Variants in DCAF6 observed in about 807,000 individuals in gnomAD.
DCAF6 encodes the protein DDB1 and CUL4 associated factor 6.
A neutral mutation model predicts 125.1 loss-of-function variants in DCAF6; 54 were observed. The observed-to-expected ratio is 0.43, with a 90% CI of 0.35 to 0.54. The LOEUF (loss-of-function observed/expected upper bound fraction) is 0.54, where lower values mean the gene tolerates loss of function less well. DCAF6 is among the 20% of genes least tolerant of loss of function. The probability of loss-of-function intolerance (pLI) is 0.01; values close to 1 mark genes in which losing one functional copy is unlikely to be tolerated. For synonymous variants in DCAF6, 371 were observed against 390.4 expected (o/e 0.95, Z 0.58); for missense variants, 934 against 1,161.7 (o/e 0.80, Z 2.85).
chr1:168,067,918 A>G (rs1692549885), intron 20 of DCAF6, among the ~76,000 whole-genome samples: 1 of 152,182 alleles, frequency 6.6e-6, no homozygotes, highest in African/African-American at 2.4e-5. Flanking sequence ...TTATTTTCCA[A>G]GACTACTCTG....
the DCAF6 span, chr1:167,878,525 TAAAAAA>T: frequency 9.3e-6 from 15 of 1,614,158 alleles, no homozygotes; most frequent in Non-Finnish European, 1.3e-5. Flanking sequence ...GGAAGCTCTT[TAAAAAA>T]GTACGCTGGT....
chr1:167,870,920 T>G, the DCAF6 span, among the ~76,000 whole-genome samples: 1 of 152,250 alleles, frequency 6.6e-6, no homozygotes, highest in African/African-American at 2.4e-5. Context: ...GCTAACCATG[T>G]GGTTTTGCAG....
intron 3 of DCAF6, among the ~76,000 whole-genome samples, chr1:167,967,948 C>G (rs1181634256): frequency 2.0e-5 from 3 of 152,016 alleles, no homozygotes; most frequent in South Asian, 2.1e-4. Flanking sequence ...CCAGGCTGGT[C>G]TTGAACTCCT....
At chr1:167,949,031 C>G (rs1248456813) in intron 1 of DCAF6, among the ~76,000 whole-genome samples, 1 of 152,210 alleles carries the variant, frequency 6.6e-6, no homozygotes. Context: ...TTCACTGATT[C>G]AGCAAACGTA....
the DCAF6 span, among the ~76,000 whole-genome samples, chr1:167,872,490 T>TA: frequency 1.8e-4 from 27 of 152,216 alleles, no homozygotes; most frequent in Admixed American, 5.2e-4. Flanking sequence ...ATTGTCTCCT[T>TA]AACTTGAAAT....
Position 167,993,326 on chromosome 1 carries a change from A to G in DCAF6, c.789A>G (p.Glu263=). The G allele has an allele frequency of 2.2e-5, 35 of 1,613,948 alleles. No individual in the cohort carries two copies. The highest frequency in any genetic ancestry group is 3.0e-5 in the Non-Finnish European group (35 of 1,179,828). ...SCRVTSLCYS[E]DGQEILVSYS... ...GAGTGACATCTCTGTGTTACAGTGA[A>G]GATGGTCAAGAGATTCTCGTTAGTT... Residue 263 remains glutamate, a synonymous_variant, in exon 7 of 22, where the codon GAA becomes GAG. Coordinates refer to ENST00000367840, the MANE Select transcript of DCAF6 (RefSeq NM_001198956.2).
At position 167,954,029 on chromosome 1, in the gene DCAF6, CTG is replaced by C. The variant is rs1253367659; in HGVS notation, c.159+2169_159+2170del. On this transcript the variant is annotated intron_variant, in intron 2 of 21. Transcript: ENST00000367840. The stretch of plus-strand genomic sequence containing the variant: ...AGTTTTTTGTTTGTTTGTTTTGAGA[CTG>C]AGTCTCACTCCGTCTTCCAGGCTGG... Among the ~76,000 whole-genome samples, 3 of 152,166 alleles carry C rather than the reference CTG, an allele frequency of 2.0e-5. 1 individual carries two copies. The highest frequency in any genetic ancestry group is 2.9e-5 in the Non-Finnish European group (2 of 68,008).
At chr1:168,047,585 G>C (rs867892179) in intron 16 of DCAF6, among the ~76,000 whole-genome samples, 2 of 151,954 alleles carry the variant, frequency 1.3e-5, no homozygotes, top group African/African-American at 4.8e-5. Context: ...ACAGAAGAAC[G>C]ATAAAATTCT....
the DCAF6 span, among the ~76,000 whole-genome samples, chr1:167,869,222 T>C: frequency 6.6e-6 from 1 of 152,176 alleles, no homozygotes; most frequent in Non-Finnish European, 1.5e-5. Flanking sequence ...ATAATAGTAA[T>C]AGAAACCTGC....
chr1:168,044,154 T>A (rs780862263), intron 14 of DCAF6, among the ~76,000 whole-genome samples: 80 of 152,110 alleles, frequency 5.3e-4, no homozygotes, highest in Non-Finnish European at 9.1e-4. Context: ...AGGGGAGGTT[T>A]TAGCTGAATG....
At chr1:168,019,696 C>T in intron 11 of DCAF6, 1 of 196,388 alleles carries the variant, frequency 5.1e-6, no homozygotes, top group South Asian at 6.6e-5. Context: ...CTTTATGGCA[C>T]GGTTTTACCA....
At chr1:167,968,016 C>T (rs773796445) in intron 3 of DCAF6, among the ~76,000 whole-genome samples, 6 of 152,102 alleles carry the variant, frequency 3.9e-5, no homozygotes, top group Non-Finnish European at 7.4e-5. Context: ...CAGGCATGAG[C>T]CACCACGCCC....
chr1:167,892,380 G>C, the DCAF6 span, among the ~76,000 whole-genome samples: 1 of 152,084 alleles, frequency 6.6e-6, no homozygotes, highest in Admixed American at 6.5e-5. Flanking sequence ...CTCTTCTTTG[G>C]GTTCAGGGTC....
At chr1:168,019,577 T>C (rs959938611) in intron 11 of DCAF6, 2 of 455,896 alleles carry the variant, frequency 4.4e-6, no homozygotes, top group Non-Finnish European at 8.8e-6. Flanking sequence ...TGGCTCCTGC[T>C]CAGAGTGACA....
chr1:167,935,833 G>A, upstream of DCAF6: 3 of 1,551,112 alleles, frequency 1.9e-6, no homozygotes, highest in Non-Finnish European at 2.6e-6. Flanking sequence ...GGGCACCGGC[G>A]GCCGACATCG....
At chr1:167,878,559 G>T in the DCAF6 span, 2 of 1,614,118 alleles carry the variant, frequency 1.2e-6, no homozygotes, top group African/African-American at 1.3e-5. Flanking sequence ...TCCCATTGTA[G>T]GTGACAGAGT....
At chr1:167,936,008 T>C (rs1027195140), upstream of DCAF6, 1 of 620,190 alleles carries the variant, frequency 1.6e-6, no homozygotes. Context: ...ACCGAAAAGC[T>C]GCGGCCCGCG....
At chr1:167,912,246 T>G in the DCAF6 span, among the ~76,000 whole-genome samples, 585 of 152,330 alleles carry the variant, frequency 3.8e-3, 6 homozygotes, top group East Asian at 0.021. Flanking sequence ...AAATTTTCAT[T>G]TTTTAAAGCA....
the DCAF6 span, among the ~76,000 whole-genome samples, chr1:167,907,117 C>T: frequency 1.3e-5 from 2 of 152,166 alleles, no homozygotes; most frequent in African/African-American, 4.8e-5. Context: ...CATATATCTA[C>T]AGATACTGAA....
Sources: gnomAD v4.1 joint callset for allele counts (sites outside exome capture counted in the v4.1 genomes callset) on GRCh38, gnomAD v4.1.1 for gene constraint, MANE v1.5 for transcripts, NCBI Gene and HGNC (gene_info 2026-07-23, HGNC 2026-07-21) for gene names.